The following ADPRHL1 variants were observed in gnomAD, a reference collection of about 807,000 sequenced individuals.
The protein encoded by ADPRHL1 is ADP-ribosylhydrolase like 1.
In ADPRHL1, 43 loss-of-function variants were observed where a neutral mutation model predicts 44.1. The observed-to-expected ratio is 0.98, with a 90% CI of 0.76 to 1.26. ADPRHL1 has a LOEUF of 1.26. Ranked by LOEUF, ADPRHL1 falls within the 50% of genes most tolerant of loss-of-function variation. The probability of loss-of-function intolerance (pLI) is 0.00; values close to 1 mark genes in which losing one functional copy is unlikely to be tolerated. For missense variants in ADPRHL1, 2,022 were observed against 2,496.9 expected (o/e 0.81, Z 4.05); for synonymous variants, 878 against 1,017.4 (o/e 0.86, Z 2.61).
At chr13:113,412,322 C>T (rs1480007700) in intron 7 of ADPRHL1, among the ~76,000 whole-genome samples, 2 of 152,158 alleles carry the variant, frequency 1.3e-5, no homozygotes, top group African/African-American at 2.4e-5. Flanking sequence ...GGACTACAGG[C>T]GCCCGCCACC....
At chr13:113,434,668 C>A (rs1194142487) in intron 2 of ADPRHL1, among the ~76,000 whole-genome samples, 2 of 145,944 alleles carry the variant, frequency 1.4e-5, no homozygotes, top group Non-Finnish European at 3.0e-5. Context: ...CACAGGTGTA[C>A]CCCGGGACCC....
chr13:113,452,322 T>G (rs936243703), intron 1 of ADPRHL1, among the ~76,000 whole-genome samples: 2 of 152,140 alleles, frequency 1.3e-5, no homozygotes, highest in Non-Finnish European at 2.9e-5. Context: ...CTCCCGTTAT[T>G]TAGGGACCGG....
chr13:113,422,701 G>T, intron 7 of ADPRHL1, 125 bp downstream of exon 7: 2 of 1,196,088 alleles, frequency 1.7e-6, no homozygotes, highest in Non-Finnish European at 2.3e-6. Flanking sequence ...GTTAGATGTG[G>T]CCAGTCAGGC....
chr13:113,432,634 C>CG (rs11451406), intron 3 of ADPRHL1, among the ~76,000 whole-genome samples: 56,263 of 151,950 alleles, frequency 0.37, 10,783 homozygotes, highest in Middle Eastern at 0.5. Flanking sequence ...AGTAAAGGCA[C>CG]GCACCTGCTT....
Position 113,403,452 on chromosome 13 carries a change from C to CTTTGT in ADPRHL1, c.5829_5830insACAAA (p.Asp1944ThrfsTer14). On this transcript the variant is annotated frameshift_variant, in exon 8 of 8. Coordinates refer to ENST00000612156, the MANE Select transcript of ADPRHL1 (RefSeq NM_001394807.1). LOFTEE classifies it low-confidence loss of function (END_TRUNC). ...AAGGACAAATCGAAGGCCCTCTGGT[C>CTTTGT]ACGGAAGCTCTGGGCTTTGTACTTG... The CTTTGT allele has an allele frequency of 8.1e-7, 1 of 1,232,092 alleles. No homozygotes were observed. Among genetic ancestry groups the CTTTGT allele is most frequent in the Non-Finnish European group, 1.0e-6 (1 of 988,006 alleles). 76.3% of individuals were successfully genotyped at this position (1,232,092 alleles called of 1,614,324 possible).
At position 113,400,305 on chromosome 13, in the gene ADPRHL1, C is replaced by G. The variant is rs1269820327; in HGVS notation, c.*3073G>C. On this transcript the variant is annotated 3_prime_UTR_variant, in exon 8 of 8. Transcript: ENST00000612156. ...GGACTACAGGCACCCACCACCACGC[C>G]CGGCTAATTTTTGTATTTTTAGTAG... 1 of 151,250 alleles carries G rather than the reference C, an allele frequency of 6.6e-6. No individual in the cohort carries two copies. Among genetic ancestry groups the G allele is most frequent in the Non-Finnish European group, 1.5e-5 (1 of 67,728 alleles). 9.4% of individuals were successfully genotyped at this position (151,250 alleles called of 1,614,324 possible). A position where few individuals can be genotyped will look rare whatever the true frequency, so the allele number is the denominator to read the frequency against.
intron 1 of ADPRHL1, among the ~76,000 whole-genome samples, chr13:113,450,962 C>T (rs554278048): frequency 1.3e-4 from 20 of 151,694 alleles, no homozygotes; most frequent in Admixed American, 2.0e-4. Flanking sequence ...ACCCCCCCCC[C>T]CTTCCTGGTC....
chr13:113,447,146 G>A (rs1936136097), intron 1 of ADPRHL1, among the ~76,000 whole-genome samples: 1 of 143,056 alleles, frequency 7.0e-6, no homozygotes, highest in Admixed American at 7.1e-5. Context: ...AGTTGTATGT[G>A]CATGGCGTCT....
At chr13:113,430,420 G>A (rs887138975) in intron 3 of ADPRHL1, among the ~76,000 whole-genome samples, 4 of 152,198 alleles carry the variant, frequency 2.6e-5, no homozygotes, top group Non-Finnish European at 5.9e-5. Context: ...GGCAGGAGGC[G>A]AAGTGATGGC....
chr13:113,434,111 G>C (rs1375152030), intron 2 of ADPRHL1, among the ~76,000 whole-genome samples: 1 of 152,208 alleles, frequency 6.6e-6, no homozygotes, highest in East Asian at 1.9e-4. Flanking sequence ...TTGATGGCCT[G>C]GAGATATGCT....
intron 1 of ADPRHL1, among the ~76,000 whole-genome samples, chr13:113,450,289 A>C (rs1243539226): frequency 1.3e-5 from 2 of 152,182 alleles, no homozygotes; most frequent in Non-Finnish European, 2.9e-5. Flanking sequence ...AACAAAGATA[A>C]ACTTAAGTGA....
chr13:113,422,843 G>C lies in ADPRHL1; in HGVS notation c.1044C>G (p.Arg348=). 6.2e-7 allele frequency: 1 copy of C among 1,612,934 alleles called. No individual in the cohort carries two copies. The highest frequency in any genetic ancestry group is 8.5e-7 in the Non-Finnish European group (1 of 1,179,970). The part of the protein sequence containing the change: ...KLEDLGAALY[R]LSTEENRKSS... ...GGCTTTACTTCTCCTCTGTGGACAG[G>C]CGGTAGAGAGCCGCGCCCAGGTCCT... Residue 348 remains arginine, a synonymous_variant, in exon 7 of 8, where the codon CGC becomes CGG. Transcript: ENST00000612156.
rs2043804222 is a variant in ADPRHL1 at position 113,405,829 on chromosome 13, T to TC, written c.3452dup (p.Ser1152LysfsTer116). 9.7e-6 allele frequency: 12 copies of TC among 1,231,794 alleles called. No individual in the cohort carries two copies. In the South Asian group the frequency reaches 4.1e-4, roughly 42 times the overall value. The allele number at this position is 1,231,794 out of a possible 1,614,324, so 76.3% of individuals were successfully genotyped here. A position where few individuals can be genotyped will look rare whatever the true frequency, so the allele number is the denominator to read the frequency against. ...GGTGGCTTTCGGACAAGGCTCTGCT[T>TC]CCCCACTGGCCCAGCGTCTCTGGCT... On this transcript the variant is annotated frameshift_variant, in exon 8 of 8. Coordinates refer to ENST00000612156, the MANE Select transcript of ADPRHL1 (RefSeq NM_001394807.1). LOFTEE classifies it low-confidence loss of function (END_TRUNC).
At position 113,407,107 on chromosome 13, in the gene ADPRHL1, G is replaced by A. The variant is rs1250053395; in HGVS notation, c.2175C>T (p.Ser725=). Residue 725 remains serine (S), a synonymous_variant, in exon 8 of 8, where the codon TCC becomes TCT. Transcript: ENST00000612156. ...GVLPGLVPAS[S]PLGPASPWGT... ...CCCAAGGGCTGGCCGGTCCCAGTGG[G>A]GATGATGCAGGCACAAGGCCAGGAA... 2.4e-6 allele frequency: 3 copies of A among 1,232,310 alleles called. No individual in the cohort carries two copies. The highest frequency in any genetic ancestry group is 6.3e-5 in the East Asian group (2 of 31,712). 76.3% of individuals were successfully genotyped at this position (1,232,310 alleles called of 1,614,324 possible).
chr13:113,444,646 C>G (rs1470774836), intron 1 of ADPRHL1, 57 bp from the exon 2 acceptor site: 3 of 1,575,064 alleles, frequency 1.9e-6, no homozygotes. Context: ...ACTGTGGCCT[C>G]CCTCCCGCGG....
At position 113,406,968 on chromosome 13, in the gene ADPRHL1, C is replaced by T. The variant is rs567037564; in HGVS notation, c.2314G>A (p.Glu772Lys). 135 of 1,232,246 alleles carry T rather than the reference C, an allele frequency of 1.1e-4. No individual in the cohort carries two copies. In the African/African-American group the frequency reaches 1.2e-3, roughly 11 times the overall value. The allele number at this position is 1,232,246 out of a possible 1,614,324, so 76.3% of individuals were successfully genotyped here. The change falls in exon 8 of 8, where the codon GAG (glutamate) becomes AAG (lysine). Residue 772 changes from glutamate (E) to lysine (K), a missense_variant. This residue lies in a region of ADPRHL1 where 1,221 missense variants were observed against 1,517.8 expected (regional missense o/e 0.80). Transcript: ENST00000612156. The stretch of plus-strand genomic sequence containing the variant: ...ATTTCAGGGCCCTCCCCTGCACACT[C>T]GCCTGGGGGCCCAGGAGGCCACGTG... ...RLTWPPGPPGECAGEGPEITM... is the reference protein window; with the variant it reads ...RLTWPPGPPGKCAGEGPEITM...
At position 113,425,116 on chromosome 13, in the gene ADPRHL1, A is replaced by C. The variant is rs774271004; in HGVS notation, c.710T>G (p.Ile237Ser). Reference protein sequence around the residue: ...KWQFYLEERKISKDSENKAIF... With the variant: ...KWQFYLEERKSSKDSENKAIF... ...GGCTTTATTTTCTGAGTCTTTACTG[A>C]TTTTCCTCTCCTCCAAATAAAATTG... Residue 237 changes from isoleucine to serine, a missense_variant, in exon 5 of 8, where the codon ATC (isoleucine) becomes AGC (serine). Physicochemically the swap from Ile to Ser is moderately radical, Grantham distance 142. Transcript: ENST00000612156. 1 of 1,613,420 alleles carries C rather than the reference A, an allele frequency of 6.2e-7. No homozygotes were observed. Among genetic ancestry groups the C allele is most frequent in the Admixed American group, 1.7e-5 (1 of 59,962 alleles).
intron 6 of ADPRHL1, 134 bp from the exon 7 acceptor site, chr13:113,423,113 C>T (rs996210646): frequency 6.2e-6 from 8 of 1,287,238 alleles, no homozygotes; most frequent in African/African-American, 1.5e-5. Context: ...GACAGGCAGG[C>T]CAGCGCGGTG....
chr13:113,407,856 C>T lies in ADPRHL1; in HGVS notation c.1426G>A (p.Glu476Lys). ...TTTGGGGCCGGCTCCTTGGTCTTCTCCAGGAGCTTGTTGATGGTGGCACCC... is the reference window on the plus strand; with the variant it reads ...TTTGGGGCCGGCTCCTTGGTCTTCTTCAGGAGCTTGTTGATGGTGGCACCC... ...LVGATINKLL[E>K]KTKEPAPKPC... Residue 476 changes from glutamate to lysine, a missense_variant, in exon 8 of 8, where the codon GAG (glutamate) becomes AAG (lysine). Coordinates refer to ENST00000612156, the MANE Select transcript of ADPRHL1 (RefSeq NM_001394807.1). The T allele has an allele frequency of 8.1e-7, 1 of 1,232,036 alleles. No individual in the cohort carries two copies. The highest frequency in any genetic ancestry group is 4.2e-5 in the Admixed American group (1 of 23,728). The allele number at this position is 1,232,036 out of a possible 1,614,324, so 76.3% of individuals were successfully genotyped here.
Sources: allele counts gnomAD v4.1 joint callset (sites outside exome capture counted in the v4.1 genomes callset), GRCh38; gene constraint gnomAD v4.1.1; regional missense constraint gnomAD v4.1.1; transcripts MANE v1.5; gene names NCBI Gene and HGNC (gene_info 2026-07-23, HGNC 2026-07-21).